GAB3: variants seen among roughly 807,000 people sequenced by gnomAD.
The protein encoded by GAB3 is GRB2 associated binding protein 3, also known as GRB2-associated-binding protein 3.
A neutral mutation model predicts 40.4 loss-of-function variants in GAB3; 12 were observed. The observed-to-expected ratio is 0.30, with a 90% CI of 0.19 to 0.48. The LOEUF is 0.48. GAB3 is among the 20% of genes least tolerant of loss of function. The probability of loss-of-function intolerance (pLI) is 0.99; values close to 1 mark genes in which losing one functional copy is unlikely to be tolerated. For missense variants in GAB3, 381 were observed against 461.9 expected, an observed-to-expected ratio of 0.82 and a Z score of 1.61; for synonymous variants, 154 against 176.7, an observed-to-expected ratio of 0.87 and a Z score of 1.02.
At chrX:154,700,835 C>T (rs1189568372) in intron 4 of GAB3, among the ~76,000 whole-genome samples, 3 of 111,132 alleles carry the variant, frequency 2.7e-5, no homozygotes, top group Non-Finnish European at 5.7e-5. Flanking sequence ...CCTCAGCCCT[C>T]AGCCCTCAAG....
At position 154,713,324 on chromosome X, in the gene GAB3, T is replaced by A; in HGVS notation, c.479A>T (p.Asp160Val). ...AHAASSSLPR[D>V]DPNTNAVATE... The stretch of plus-strand genomic sequence containing the variant: ...GGCTACGGCATTAGTGTTTGGGTCA[T>A]CTCTTGGCAAAGAGGAGCTGGCAGC... Residue 160 changes from aspartate to valine, a missense_variant, in exon 3 of 10, where the codon GAT (aspartate) becomes GTT (valine). Asp to Val is a radical substitution (Grantham distance 152). Transcript: ENST00000424127. The A allele has an allele frequency of 8.3e-7, 1 of 1,210,416 alleles. No individual in the cohort carries two copies. Among genetic ancestry groups the A allele is most frequent in the Non-Finnish European group, 1.1e-6 (1 of 894,945 alleles).
intron 8 of GAB3, among the ~76,000 whole-genome samples, chrX:154,688,431 T>C (rs1173115509): frequency 9.1e-6 from 1 of 109,719 alleles, no homozygotes; most frequent in Non-Finnish European, 1.9e-5. Context: ...AGGCACGTGC[T>C]ACCAAGCCCA....
chrX:154,712,740 C>A, intron 3 of GAB3, 39 bp from the exon 4 acceptor site: 1 of 914,090 alleles, frequency 1.1e-6, no homozygotes, highest in Non-Finnish European at 1.5e-6. Flanking sequence ...TAAAATGCAG[C>A]CATCCACCCA....
chrX:154,709,134 C>T (rs111777881), intron 4 of GAB3, among the ~76,000 whole-genome samples: 39,380 of 108,923 alleles, frequency 0.36, 5,312 homozygotes, highest in South Asian at 0.57. Context: ...TGTGTAGCAC[C>T]TCCCCCTTCA....
At chrX:154,689,355 C>A (rs1557248734) in intron 8 of GAB3, among the ~76,000 whole-genome samples, 1 of 111,249 alleles carries the variant, frequency 9.0e-6, no homozygotes, top group African/African-American at 3.3e-5. Context: ...AAAACTGGTA[C>A]AAGACAGGGA....
At chrX:154,678,592 C>G (rs1044282255) in intron 9 of GAB3, among the ~76,000 whole-genome samples, 2 of 111,785 alleles carry the variant, frequency 1.8e-5, no homozygotes, top group Non-Finnish European at 3.8e-5. Flanking sequence ...TGGCTGTGCC[C>G]CCACTCAAAT....
chrX:154,712,760 C>T lies in GAB3; in HGVS notation c.597-59G>A, dbSNP rs781924018. 4 of 720,019 alleles carry T rather than the reference C, an allele frequency of 5.6e-6. No homozygotes were observed. The African/African-American group carries it at 8.7e-5, about 16-fold the overall frequency. 59.3% of individuals were successfully genotyped at this position (720,019 alleles called of 1,213,427 possible). On this transcript the variant is annotated intron_variant, in intron 3 of 9. Coordinates refer to ENST00000424127, the MANE Select transcript of GAB3 (RefSeq NM_001081573.3). ...TGCAGCCATCCACCCACCACAAAAC[C>T]AACGCTGGCCTCATTCCCATCTCCC...
In GAB3 at chrX:154,680,201, C is replaced by G; in HGVS notation, c.1578G>C (p.Trp526Cys). 8.3e-7 allele frequency: 1 copy of G among 1,209,080 alleles called. No individual in the cohort carries two copies. The highest frequency in any genetic ancestry group is 1.1e-6 in the Non-Finnish European group (1 of 893,992). The change falls in exon 9 of 10, where the codon TGG becomes TGC. Residue 526 changes from tryptophan to cysteine, a missense_variant. Coordinates refer to ENST00000424127, the MANE Select transcript of GAB3 (RefSeq NM_001081573.3). ...AATAATCTAGGCTGAATTTCTTTGTCCACGTAAGGGCACCACTGCTCAGGG... is the reference window on the plus strand; with the variant it reads ...AATAATCTAGGCTGAATTTCTTTGTGCACGTAAGGGCACCACTGCTCAGGG... Reference protein sequence around the residue: ...ASSLSSGALTWTKKFSLDYLA... With the variant: ...ASSLSSGALTCTKKFSLDYLA...
chrX:154,717,039 C>G (rs1286528925), intron 1 of GAB3, among the ~76,000 whole-genome samples: 1 of 111,976 alleles, frequency 8.9e-6, no homozygotes, highest in Non-Finnish European at 1.9e-5. Flanking sequence ...CTATCTCCAT[C>G]TTATGTCTGA....
At chrX:154,698,317 C>G (rs1172795058) in intron 6 of GAB3, among the ~76,000 whole-genome samples, 1 of 112,163 alleles carries the variant, frequency 8.9e-6, no homozygotes, top group African/African-American at 3.2e-5. Flanking sequence ...CTTCCTCCCC[C>G]TCAGACTGAA....
intron 2 of GAB3, among the ~76,000 whole-genome samples, chrX:154,713,742 C>CATATAT (rs59885867): frequency 0.093 from 1,804 of 19,490 alleles, 299 homozygotes; most frequent in Non-Finnish European, 0.13. Context: ...AACTAACAAA[C>CATATAT]ATATATATAT....
chrX:154,716,285 G>T lies in GAB3; in HGVS notation c.117C>A (p.Ser39Arg), dbSNP rs782464185. 1 of 1,211,315 alleles carries T rather than the reference G, an allele frequency of 8.3e-7. No individual in the cohort carries two copies. The highest frequency in any genetic ancestry group is 1.1e-6 in the Non-Finnish European group (1 of 895,358). Reference sequence around the variant, plus strand: ...AGTACTCCAAGACATCGGGGTTGCCGCTCATGCGGCCTCGCCGGAGGACAA... The same window carrying T: ...AGTACTCCAAGACATCGGGGTTGCCTCTCATGCGGCCTCGCCGGAGGACAA... Reference protein sequence around the residue: ...RWFVLRRGRMSGNPDVLEYYR... With the variant: ...RWFVLRRGRMRGNPDVLEYYR... Residue 39 changes from serine (S) to arginine (R), a missense_variant, in exon 2 of 10, where the codon AGC (serine) becomes AGA (arginine). By Grantham distance (110) the Ser-to-Arg change is moderately radical. This residue lies in a region of GAB3 where 364 missense variants were observed against 421.0 expected (regional missense o/e 0.86). Coordinates refer to ENST00000424127, the MANE Select transcript of GAB3 (RefSeq NM_001081573.3).
At chrX:154,727,011 C>T (rs2071222478) in intron 1 of GAB3, among the ~76,000 whole-genome samples, 1 of 112,345 alleles carries the variant, frequency 8.9e-6, no homozygotes, top group Non-Finnish European at 1.9e-5. Flanking sequence ...TCATTCTTAA[C>T]AAAGAAGTCA....
intron 4 of GAB3, among the ~76,000 whole-genome samples, chrX:154,709,675 A>G (rs1488030184): frequency 9.1e-6 from 1 of 110,276 alleles, no homozygotes; most frequent in African/African-American, 3.3e-5. Flanking sequence ...CATGTAGTCA[A>G]TTTGTGTCCA....
intron 8 of GAB3, among the ~76,000 whole-genome samples, chrX:154,687,060 C>T (rs1232906941): frequency 2.7e-5 from 3 of 109,795 alleles, no homozygotes; most frequent in East Asian, 2.9e-4. Context: ...GGCCTGGTGG[C>T]GTGTGCCTGT....
At position 154,712,636 on chromosome X, in the gene GAB3, T is replaced by G; in HGVS notation, c.662A>C (p.Asp221Ala). ...CGGCTGCAGGCAGTCAACAAAAACA[T>G]CATCAAATGAAGCCTGTTCCAATGA... ...DRSLEQASFDDVFVDCLQPLP... is the reference protein window; with the variant it reads ...DRSLEQASFDAVFVDCLQPLP... The change falls in exon 4 of 10, where the codon GAT becomes GCT. Residue 221 changes from aspartate (D) to alanine (A), a missense_variant. Asp to Ala is a moderately radical substitution (Grantham distance 126, BLOSUM62 -2). Around this residue, in one of 2 missense-constraint regions of GAB3, gnomAD observed 364 missense variants for 421.0 expected, o/e 0.86. Transcript: ENST00000424127. 1 of 1,139,233 alleles carries G rather than the reference T, an allele frequency of 8.8e-7. No individual in the cohort carries two copies. Among genetic ancestry groups the G allele is most frequent in the Non-Finnish European group, 1.2e-6 (1 of 861,596 alleles). 93.9% of individuals were successfully genotyped at this position (1,139,233 alleles called of 1,213,427 possible).
chrX:154,712,989 A>G (rs782767230), intron 3 of GAB3, among the ~76,000 whole-genome samples: 1 of 112,667 alleles, frequency 8.9e-6, no homozygotes, highest in South Asian at 3.7e-4. Flanking sequence ...TACATGCTTC[A>G]TCTTTCACAG....
At chrX:154,720,026 A>G (rs1603426645) in intron 1 of GAB3, among the ~76,000 whole-genome samples, 1 of 111,989 alleles carries the variant, frequency 8.9e-6, no homozygotes, top group African/African-American at 3.3e-5. Flanking sequence ...TGGTGGTCCT[A>G]TAAGATTTTT....
intron 4 of GAB3, among the ~76,000 whole-genome samples, chrX:154,704,145 A>G (rs1224381213): frequency 5.4e-5 from 6 of 111,504 alleles, no homozygotes; most frequent in Admixed American, 4.8e-4. Context: ...AGCCAGGTAC[A>G]GAAAGACAAA....
Sources: gnomAD v4.1 joint callset for allele counts (sites outside exome capture counted in the v4.1 genomes callset) on GRCh38, gnomAD v4.1.1 for gene constraint, gnomAD v4.1.1 regional missense constraint, MANE v1.5 for transcripts, NCBI Gene and HGNC (gene_info 2026-07-23, HGNC 2026-07-21) for gene names.